The following PHEX variants were observed in gnomAD, a reference collection of about 807,000 sequenced individuals.
The protein encoded by PHEX is phosphate regulating endopeptidase X-linked.
PHEX carries 16 observed loss-of-function variants against 68.0 expected under a neutral mutation model. That is an observed-to-expected ratio of 0.24 (90% CI 0.16 to 0.36). PHEX has a LOEUF of 0.36. Among genes scored for constraint, PHEX ranks in the 10% least tolerant of loss-of-function variants. The pLI is 1.00. For missense variants in PHEX, 480 were observed against 575.5 expected (o/e 0.83, Z 1.70); for synonymous variants, 208 against 205.1 (o/e 1.01, Z -0.12).
intron 12 of PHEX, among the ~76,000 whole-genome samples, chrX:22,161,436 A>G (rs1933126229): frequency 8.9e-6 from 1 of 112,539 alleles, no homozygotes; most frequent in Non-Finnish European, 1.9e-5. Flanking sequence ...GACAACAACA[A>G]CAAAACCCAG....
At chrX:22,183,712 CT>C (rs200850510) in intron 14 of PHEX, among the ~76,000 whole-genome samples, 2 of 109,655 alleles carry the variant, frequency 1.8e-5, no homozygotes, top group African/African-American at 6.7e-5. Context: ...AGTTCCAACT[CT>C]TTTTTAAAAA....
intron 13 of PHEX, chrX:22,171,730 C>T (rs1489943141): frequency 9.0e-6 from 1 of 111,679 alleles, no homozygotes; most frequent in Non-Finnish European, 1.9e-5. Context: ...AGGGCAATAG[C>T]AAAAAGACTG....
chrX:22,230,426 A>AT (rs1935687314), intron 20 of PHEX, among the ~76,000 whole-genome samples: 1 of 101,260 alleles, frequency 9.9e-6, no homozygotes, highest in Non-Finnish European at 2.0e-5. Context: ...ATGTTTTTCC[A>AT]TTGGTTTGTG....
At chrX:22,200,967 A>G (rs973789468) in intron 15 of PHEX, among the ~76,000 whole-genome samples, 2 of 111,728 alleles carry the variant, frequency 1.8e-5, no homozygotes, top group African/African-American at 3.3e-5. Context: ...TCTTTAGCTT[A>G]TGGGAAGAGT....
intron 12 of PHEX, among the ~76,000 whole-genome samples, chrX:22,151,310 G>T (rs1266259535): frequency 8.9e-6 from 1 of 112,136 alleles, no homozygotes; most frequent in East Asian, 2.8e-4. Context: ...CATCTTGTGG[G>T]CTTCAGGAGT....
chrX:22,206,086 T>C (rs1934703610), intron 15 of PHEX, among the ~76,000 whole-genome samples: 3 of 112,284 alleles, frequency 2.7e-5, no homozygotes, highest in African/African-American at 9.7e-5. Flanking sequence ...AAAAATGTGC[T>C]GATCTCAAAA....
intron 14 of PHEX, among the ~76,000 whole-genome samples, chrX:22,183,335 T>C (rs1933937463): frequency 9.0e-6 from 1 of 111,183 alleles, no homozygotes; most frequent in Non-Finnish European, 1.9e-5. Flanking sequence ...CCTGAAAAAT[T>C]CATTGGAGGT....
At chrX:22,066,689 A>G (rs892877794) in intron 3 of PHEX, among the ~76,000 whole-genome samples, 1 of 112,024 alleles carries the variant, frequency 8.9e-6, no homozygotes, top group African/African-American at 3.2e-5. Context: ...CCAGTTCTGG[A>G]GGAGCAGTCT....
intron 12 of PHEX, among the ~76,000 whole-genome samples, chrX:22,155,993 C>T (rs1056770755): frequency 1.8e-5 from 2 of 111,727 alleles, no homozygotes; most frequent in African/African-American, 3.2e-5. Context: ...CTTAAATGAA[C>T]GTGGCTGTCG....
At chrX:22,188,914 C>T (rs1490492885) in intron 14 of PHEX, among the ~76,000 whole-genome samples, 6 of 112,106 alleles carry the variant, frequency 5.4e-5, no homozygotes, top group African/African-American at 1.9e-4. Context: ...ATTCCCCTAC[C>T]GCCCTTCCCA....
At chrX:22,212,115 G>T (rs1160446879) in intron 15 of PHEX, among the ~76,000 whole-genome samples, 1 of 111,757 alleles carries the variant, frequency 8.9e-6, no homozygotes, top group Non-Finnish European at 1.9e-5. Context: ...GGAAGTAACA[G>T]GTATAAGAAA....
At chrX:22,224,977 T>TCATACAGCGCTGTATGAGTTTTTAA in intron 18 of PHEX, among the ~76,000 whole-genome samples, 1 of 112,599 alleles carries the variant, frequency 8.9e-6, no homozygotes, top group African/African-American at 3.2e-5. Context: ...TGATTTATTA[T>TCATACAGCGCTGTATGAGTTTTTAA]CATACAGCTC....
chrX:22,032,890 A>G lies in PHEX; in HGVS notation c.-116A>G. The G allele has an allele frequency of 1.7e-6, 1 of 574,336 alleles. No individual in the cohort carries two copies. Among genetic ancestry groups the G allele is most frequent in the Non-Finnish European group, 3.1e-6 (1 of 318,350 alleles). 47.3% of individuals were successfully genotyped at this position (574,336 alleles called of 1,213,427 possible). On this transcript the variant is annotated 5_prime_UTR_variant, in exon 1 of 22. Transcript: ENST00000379374. ...GAGATTTCCTGACGGCAGTTTCTTA[A>G]GCTGTCCATTAGTAGAAGAGCAAGA...
chrX:22,169,409 T>G lies in PHEX; in HGVS notation c.1482+1020T>G, dbSNP rs377342971. Among the ~76,000 whole-genome samples the G allele has an allele frequency of 3.6e-5, 4 of 112,478 alleles. No homozygotes were observed. In the East Asian group the frequency reaches 1.1e-3, roughly 31 times the overall value. Reference sequence around the variant, plus strand: ...CCATTATTATTATCGTAACTAAAAATATTGAAGCACTTGACATATTCATGT... The same window carrying G: ...CCATTATTATTATCGTAACTAAAAAGATTGAAGCACTTGACATATTCATGT... On this transcript the variant is annotated intron_variant, in intron 13 of 21. Coordinates refer to ENST00000379374, the MANE Select transcript of PHEX (RefSeq NM_000444.6).
intron 20 of PHEX, among the ~76,000 whole-genome samples, chrX:22,232,596 CTTTTTTTTT>C (rs745474280): frequency 2.6e-3 from 49 of 18,542 alleles, no homozygotes; most frequent in African/African-American, 6.2e-3. Flanking sequence ...GCCACTTCTG[CTTTTTTTTT>C]TTTTTTTTTT....
chrX:22,130,977 T>C (rs756948544), intron 11 of PHEX, among the ~76,000 whole-genome samples: 5 of 111,646 alleles, frequency 4.5e-5, no homozygotes, highest in African/African-American at 6.5e-5. Context: ...AGAACAATGA[T>C]ACTAGCATCC....
At position 22,111,453 on chromosome X, in the gene PHEX, C is replaced by T; in HGVS notation, c.1080-14C>T. 1 of 1,165,130 alleles carries T rather than the reference C, an allele frequency of 8.6e-7. No homozygotes were observed. Among genetic ancestry groups the T allele is most frequent in the Non-Finnish European group, 1.2e-6 (1 of 852,729 alleles). On this transcript the variant is annotated splice_polypyrimidine_tract_variant and intron_variant, in intron 9 of 21. Transcript: ENST00000379374. The stretch of plus-strand genomic sequence containing the variant: ...CCTAAAATACAATAAATGGGCATCT[C>T]TCTCTGTTAACAGGACCATTGCCAA...
intron 20 of PHEX, among the ~76,000 whole-genome samples, chrX:22,242,482 T>A (rs1936254614): frequency 1.8e-5 from 2 of 111,803 alleles, no homozygotes; most frequent in Non-Finnish European, 1.9e-5. Flanking sequence ...GGAAGTCAGA[T>A]TGTCTCTGTT....
At chrX:22,094,238 T>C (rs1471617937) in intron 7 of PHEX, 139 bp downstream of exon 7, 1 of 415,439 alleles carries the variant, frequency 2.4e-6, no homozygotes, top group Non-Finnish European at 4.5e-6. Flanking sequence ...TTTTGTGTCA[T>C]TGCCCATTGG....
Sources: gnomAD v4.1 joint callset for allele counts (sites outside exome capture counted in the v4.1 genomes callset) on GRCh38, gnomAD v4.1.1 for gene constraint, MANE v1.5 for transcripts, NCBI Gene and HGNC (gene_info 2026-07-23, HGNC 2026-07-21) for gene names.